LRRC37A2: variants seen among roughly 807,000 people sequenced by gnomAD.
The protein encoded by LRRC37A2 is leucine rich repeat containing 37 member A2, also known as leucine-rich repeat-containing protein 37A2.
Under a neutral mutation model 68.8 loss-of-function variants are expected in LRRC37A2, and 9 were observed. That is an observed-to-expected ratio of 0.13 (90% CI 0.08 to 0.23). The LOEUF is 0.23. LRRC37A2 is among the 10% of genes least tolerant of loss of function. LRRC37A2 has a pLI of 1.00. For missense variants in LRRC37A2, 168 were observed against 950.4 expected (o/e 0.18, Z 10.82); for synonymous variants, 63 against 367.6 (o/e 0.17, Z 9.48).
At chr17:46,846,373 T>C in the LRRC37A2 span, among the ~76,000 whole-genome samples, 1 of 152,240 alleles carries the variant, frequency 6.6e-6, no homozygotes, top group Non-Finnish European at 1.5e-5. Context: ...AGTACCACTA[T>C]GGGAGGAAGT....
At chr17:46,503,136 C>G in the LRRC37A2 span, among the ~76,000 whole-genome samples, 1 of 147,426 alleles carries the variant, frequency 6.8e-6, no homozygotes, top group Non-Finnish European at 1.5e-5. Flanking sequence ...GGCGTGAACC[C>G]GGGAGGCGGA....
At chr17:46,936,365 C>T in the LRRC37A2 span, 1 of 985,396 alleles carries the variant, frequency 1.0e-6, no homozygotes, top group African/African-American at 1.7e-5. Context: ...CCACTCAAGT[C>T]TGGCAGCGCT....
chr17:46,930,923 A>G, the LRRC37A2 span: 4 of 617,430 alleles, frequency 6.5e-6, no homozygotes, highest in Non-Finnish European at 1.2e-5. Flanking sequence ...TTTTCAAAAC[A>G]ACATTTACGG....
chr17:46,394,726 A>C, the LRRC37A2 span, among the ~76,000 whole-genome samples: 4 of 46,316 alleles, frequency 8.6e-5, no homozygotes, highest in South Asian at 3.4e-3. Flanking sequence ...GCTACTGCAC[A>C]AAAGTTTTGC....
chr17:46,840,268 A>C, the LRRC37A2 span, among the ~76,000 whole-genome samples: 1 of 151,898 alleles, frequency 6.6e-6, no homozygotes, highest in Admixed American at 6.6e-5. Flanking sequence ...TTATATTTTT[A>C]GTAGAGACGG....
chr17:47,019,414 C>T, the LRRC37A2 span: 166 of 1,611,096 alleles, frequency 1.0e-4, 8 homozygotes, highest in African/African-American at 1.7e-3. Context: ...TCTCCAACCA[C>T]GGAGGAGACC....
At chr17:46,929,628 A>C in the LRRC37A2 span, 2 of 971,510 alleles carry the variant, frequency 2.1e-6, no homozygotes, top group Non-Finnish European at 3.4e-6. Flanking sequence ...CTCTGATGAC[A>C]GGGTGCTAAT....
chr17:46,868,310 G>C, the LRRC37A2 span, among the ~76,000 whole-genome samples: 1 of 152,274 alleles, frequency 6.6e-6, no homozygotes, highest in African/African-American at 2.4e-5. Flanking sequence ...CCCCATATTT[G>C]GCTGGGCGTG....
chr17:47,030,118 C>T, the LRRC37A2 span, among the ~76,000 whole-genome samples: 1 of 129,406 alleles, frequency 7.7e-6, no homozygotes, highest in South Asian at 2.5e-4. Flanking sequence ...TCATCATCAT[C>T]ATCATCATCA....
the LRRC37A2 span, among the ~76,000 whole-genome samples, chr17:46,873,514 T>A: frequency 2.0e-5 from 3 of 152,150 alleles, no homozygotes; most frequent in Non-Finnish European, 2.9e-5. Flanking sequence ...CAGCTCCGGG[T>A]GGGTCTCCCT....
At chr17:46,823,571 C>G in the LRRC37A2 span, among the ~76,000 whole-genome samples, 1 of 152,044 alleles carries the variant, frequency 6.6e-6, no homozygotes, top group African/African-American at 2.4e-5. Flanking sequence ...GCTCAAGTAG[C>G]TGGGATTACA....
the LRRC37A2 span, among the ~76,000 whole-genome samples, chr17:46,980,332 T>TTTCCTTCTCTCC: frequency 0.036 from 2,852 of 78,998 alleles, 107 homozygotes; most frequent in African/African-American, 0.12. Context: ...TCCTTCTCCC[T>TTTCCTTCTCTCC]TTCCTTCTCT....
chr17:46,730,899 A>C, the LRRC37A2 span, among the ~76,000 whole-genome samples: 1 of 152,204 alleles, frequency 6.6e-6, no homozygotes, highest in Non-Finnish European at 1.5e-5. Context: ...CTATCATCAA[A>C]AAGTCAGGTA....
At chr17:46,841,534 C>A in the LRRC37A2 span, among the ~76,000 whole-genome samples, 1 of 152,246 alleles carries the variant, frequency 6.6e-6, no homozygotes, top group African/African-American at 2.4e-5. Context: ...TAAGCCATGT[C>A]CCAAATTGAG....
chr17:46,888,119 G>A, the LRRC37A2 span, among the ~76,000 whole-genome samples: 1 of 152,126 alleles, frequency 6.6e-6, no homozygotes, highest in Non-Finnish European at 1.5e-5. Flanking sequence ...TTCACAAGCG[G>A]GAGTGTGCTT....
At chr17:46,545,876 C>T (rs2056235025) in intron 8 of LRRC37A2, among the ~76,000 whole-genome samples, 1 of 150,270 alleles carries the variant, frequency 6.7e-6, no homozygotes, top group Admixed American at 6.6e-5. Flanking sequence ...TTCCCACTCC[C>T]AACAGGAATT....
the LRRC37A2 span, among the ~76,000 whole-genome samples, chr17:46,790,176 C>A: frequency 2.0e-5 from 3 of 152,172 alleles, no homozygotes; most frequent in Non-Finnish European, 4.4e-5. Flanking sequence ...CCCATTCCTC[C>A]GCAGGCTCCT....
the LRRC37A2 span, among the ~76,000 whole-genome samples, chr17:46,910,699 C>A: frequency 6.6e-6 from 1 of 152,156 alleles, no homozygotes; most frequent in African/African-American, 2.4e-5. Context: ...GCTGAGTGGT[C>A]GGGAAGGCTG....
the LRRC37A2 span, among the ~76,000 whole-genome samples, chr17:46,834,906 T>C: frequency 6.6e-6 from 1 of 152,192 alleles, no homozygotes; most frequent in African/African-American, 2.4e-5. Flanking sequence ...AAAATGGCCA[T>C]TGAGCTCACC....
Sources: gnomAD v4.1 joint callset for allele counts (sites outside exome capture counted in the v4.1 genomes callset) on GRCh38, gnomAD v4.1.1 for gene constraint, MANE v1.5 for transcripts, NCBI Gene and HGNC (gene_info 2026-07-23, HGNC 2026-07-21) for gene names.